Variants in DCDC2 observed in about 807,000 individuals in gnomAD.
DCDC2 encodes doublecortin domain-containing protein 2.
In DCDC2, 40 loss-of-function variants were observed where a neutral mutation model predicts 50.2. The ratio of observed to expected loss-of-function variants is 0.80; its 90% CI spans 0.62 to 1.04. The LOEUF (loss-of-function observed/expected upper bound fraction) is 1.04, where lower values mean the gene tolerates loss of function less well. Ranked by LOEUF, DCDC2 falls within the 50% of genes least tolerant of loss-of-function variation. The pLI, the probability that DCDC2 is intolerant of heterozygous loss-of-function variation, is 0.00. For synonymous variants in DCDC2, 234 were observed against 210.6 expected, an observed-to-expected ratio of 1.11 and a Z score of -0.96; for missense variants, 570 against 581.9, an observed-to-expected ratio of 0.98 and a Z score of 0.21.
Position 24,272,420 on chromosome 6 carries a change from A to G in DCDC2, c.922+5629T>C, listed in dbSNP as rs191266058. 2.0e-5 allele frequency among the ~76,000 whole-genome samples: 3 copies of G among 152,310 alleles called. No homozygotes were observed. The East Asian group carries it at 5.8e-4, about 29-fold the overall frequency. On this transcript the variant is annotated intron_variant, in intron 7 of 9. Coordinates refer to ENST00000378454, the MANE Select transcript of DCDC2 (RefSeq NM_016356.5). ...CATATATCCCACAGTACACATTGCC[A>G]TTGAGATGGGAAGTTGTGATCCACC...
intron 2 of DCDC2, among the ~76,000 whole-genome samples, chr6:24,307,043 A>ATG (rs1376894424): frequency 6.6e-6 from 1 of 152,212 alleles, no homozygotes; most frequent in Non-Finnish European, 1.5e-5. Context: ...TTTTTACATG[A>ATG]GCCAATTCAA....
intron 8 of DCDC2, among the ~76,000 whole-genome samples, chr6:24,186,482 T>TGCGTGCATGTGCGCACAC (rs1050761086): frequency 1.3e-5 from 2 of 152,190 alleles, no homozygotes; most frequent in African/African-American, 4.8e-5. Context: ...TGCGTGCACA[T>TGCGTGCATGTGCGCACAC]GCGTGCATGT....
chr6:24,304,340 G>A (rs1176683243), intron 2 of DCDC2, among the ~76,000 whole-genome samples: 1 of 152,150 alleles, frequency 6.6e-6, no homozygotes, highest in Non-Finnish European at 1.5e-5. Context: ...AAACTTAGCT[G>A]AGTGTGGTGG....
At chr6:24,264,428 A>AAGAC (rs4052667) in intron 7 of DCDC2, among the ~76,000 whole-genome samples, 149,873 of 152,162 alleles carry the variant, frequency 0.98, 73,853 homozygotes, top group South Asian at 1. Flanking sequence ...AAAACTTTTC[A>AAGAC]AGACAGTATA....
chr6:24,179,251 A>G (rs1760995706), intron 8 of DCDC2, among the ~76,000 whole-genome samples: 1 of 152,128 alleles, frequency 6.6e-6, no homozygotes, highest in Admixed American at 6.5e-5. Flanking sequence ...TCTCTGTAAG[A>G]ATAATAAATG....
chr6:24,179,953 C>A (rs1382982008), intron 8 of DCDC2, among the ~76,000 whole-genome samples: 104 of 85,978 alleles, frequency 1.2e-3, no homozygotes, highest in South Asian at 1.2e-3. Context: ...GACTCCATCT[C>A]AAAAAAAAAA....
chr6:24,353,127 C>T (rs1760402729), intron 2 of DCDC2: 3 of 325,406 alleles, frequency 9.2e-6, no homozygotes, highest in South Asian at 7.7e-5. Flanking sequence ...CACAAAGTGT[C>T]CAACGTGACA....
At position 24,183,749 on chromosome 6, in the gene DCDC2, C is replaced by G. The variant is rs567307859; in HGVS notation, c.1024-5117G>C. On this transcript the variant is annotated intron_variant, in intron 8 of 9. Coordinates refer to ENST00000378454, the MANE Select transcript of DCDC2 (RefSeq NM_016356.5). Reference sequence around the variant, plus strand: ...GTTCCCGGCATTCGGAGATAAATACCACTGTCTCCGAGATCAAAGAGCGCA... The same window carrying G: ...GTTCCCGGCATTCGGAGATAAATACGACTGTCTCCGAGATCAAAGAGCGCA... Among the ~76,000 whole-genome samples, 42 of 152,234 alleles carry G rather than the reference C, an allele frequency of 2.8e-4. 2 individuals carry two copies. In the South Asian group the frequency reaches 8.3e-3, roughly 30 times the overall value.
At chr6:24,343,231 T>A (rs1428538104) in intron 2 of DCDC2, among the ~76,000 whole-genome samples, 1 of 152,076 alleles carries the variant, frequency 6.6e-6, no homozygotes, top group Non-Finnish European at 1.5e-5. Context: ...GTGTTTTTTT[T>A]AGTAGAGACG....
intron 4 of DCDC2, among the ~76,000 whole-genome samples, chr6:24,294,446 C>T (rs1441706213): frequency 6.6e-6 from 1 of 152,012 alleles, no homozygotes; most frequent in Admixed American, 6.6e-5. Context: ...CCAGAGCTAG[C>T]AGAAGACAAG....
intron 2 of DCDC2, among the ~76,000 whole-genome samples, chr6:24,343,052 T>G (rs1328196652): frequency 3.0e-5 from 2 of 66,388 alleles, no homozygotes; most frequent in Non-Finnish European, 5.5e-5. Context: ...GTAAATATTC[T>G]TTTTTTTTTT....
intron 2 of DCDC2, among the ~76,000 whole-genome samples, chr6:24,310,052 A>G (rs1759545266): frequency 6.6e-6 from 1 of 152,232 alleles, no homozygotes; most frequent in Non-Finnish European, 1.5e-5. Flanking sequence ...AATATTAATC[A>G]AGTAAATTCA....
intron 7 of DCDC2, among the ~76,000 whole-genome samples, chr6:24,238,247 C>G (rs1305467442): frequency 7.1e-6 from 1 of 140,974 alleles, no homozygotes; most frequent in Non-Finnish European, 1.6e-5. Flanking sequence ...GTAATCATCC[C>G]TGCACAAGTC....
chr6:24,373,376 T>C, the DCDC2 span, among the ~76,000 whole-genome samples: 1 of 152,178 alleles, frequency 6.6e-6, no homozygotes, highest in Non-Finnish European at 1.5e-5. Flanking sequence ...AATGATACAC[T>C]AATGCAATGG....
the DCDC2 span, among the ~76,000 whole-genome samples, chr6:24,374,667 T>C: frequency 7.8e-6 from 1 of 128,916 alleles, no homozygotes; most frequent in Admixed American, 8.2e-5. Flanking sequence ...TGTGAGAGAG[T>C]GATGAGATGA....
At chr6:24,240,783 T>C (rs1280913334) in intron 7 of DCDC2, among the ~76,000 whole-genome samples, 4 of 152,152 alleles carry the variant, frequency 2.6e-5, no homozygotes, top group Admixed American at 6.5e-5. Flanking sequence ...AATCAATCCC[T>C]TAGATGGCTG....
intron 2 of DCDC2, among the ~76,000 whole-genome samples, chr6:24,335,864 A>G (rs1178946987): frequency 1.3e-5 from 2 of 152,194 alleles, no homozygotes; most frequent in African/African-American, 2.4e-5. Flanking sequence ...CCATGATCCA[A>G]TCACCTCCTA....
intron 2 of DCDC2, among the ~76,000 whole-genome samples, chr6:24,312,696 T>C (rs1179242454): frequency 6.6e-6 from 1 of 152,156 alleles, no homozygotes; most frequent in Non-Finnish European, 1.5e-5. Context: ...TGGATTATCA[T>C]TCCTTATTCA....
At chr6:24,345,282 C>T (rs1760234536) in intron 2 of DCDC2, among the ~76,000 whole-genome samples, 1 of 152,102 alleles carries the variant, frequency 6.6e-6, no homozygotes, top group East Asian at 1.9e-4. Context: ...CAACCAAAGC[C>T]TTTAAGTAGG....
Sources: allele counts gnomAD v4.1 joint callset (sites outside exome capture counted in the v4.1 genomes callset), GRCh38; gene constraint gnomAD v4.1.1; transcripts MANE v1.5; gene names NCBI Gene and HGNC (gene_info 2026-07-23, HGNC 2026-07-21).